Variants in NTN1 observed in about 807,000 individuals in gnomAD.
NTN1 encodes netrin-1.
NTN1 carries 11 observed loss-of-function variants against 54.2 expected under a neutral mutation model. That is an observed-to-expected ratio of 0.20 (90% CI 0.13 to 0.34). The LOEUF is 0.34. Among genes scored for constraint, NTN1 ranks in the 10% least tolerant of loss-of-function variants. The probability of loss-of-function intolerance (pLI) is 1.00; values close to 1 mark genes in which losing one functional copy is unlikely to be tolerated. For missense variants in NTN1, 740 were observed against 893.1 expected (o/e 0.83, Z 2.18); for synonymous variants, 371 against 382.0 (o/e 0.97, Z 0.33).
intron 2 of NTN1, among the ~76,000 whole-genome samples, chr17:9,070,709 A>G (rs2092029380): frequency 6.6e-6 from 1 of 152,096 alleles, no homozygotes; most frequent in South Asian, 2.1e-4. Context: ...CTCCTGCCTC[A>G]GCCTCCTGAG....
At chr17:9,182,160 G>A (rs2092420383) in intron 4 of NTN1, among the ~76,000 whole-genome samples, 1 of 152,220 alleles carries the variant, frequency 6.6e-6, no homozygotes, top group South Asian at 2.1e-4. Flanking sequence ...TTTATTTCTT[G>A]TAGAGGCAAG....
chr17:9,101,267 T>A (rs1314199883), intron 2 of NTN1, among the ~76,000 whole-genome samples: 1 of 152,222 alleles, frequency 6.6e-6, no homozygotes, highest in African/African-American at 2.4e-5. Flanking sequence ...TAAATTGGAT[T>A]TGGGTGGACC....
intron 3 of NTN1, among the ~76,000 whole-genome samples, chr17:9,178,772 C>T (rs1216823553): frequency 6.6e-6 from 1 of 152,236 alleles, no homozygotes; most frequent in African/African-American, 2.4e-5. Context: ...CTTCGGTGTT[C>T]CCCTTCCCCA....
rs756067458 is a variant in NTN1 at position 9,242,827 on chromosome 17, C to T, written c.*2859C>T. The T allele has an allele frequency of 2.0e-4, 30 of 152,452 alleles. No individual in the cohort carries two copies. The highest frequency in any genetic ancestry group is 4.1e-4 in the Non-Finnish European group (28 of 68,176). The allele number at this position is 152,452 out of a possible 1,614,324, so 9.4% of individuals were successfully genotyped here. ...CCCGGCCTCTGCGGTGAGCACCATC[C>T]TTGGGAAAGCACCCCTCCTCCACTC... is the stretch of plus-strand genomic sequence containing the variant. On this transcript the variant is annotated 3_prime_UTR_variant, in exon 7 of 7. Transcript: ENST00000173229.
intron 2 of NTN1, among the ~76,000 whole-genome samples, chr17:9,111,972 C>T (rs1314952544): frequency 6.6e-6 from 1 of 152,178 alleles, no homozygotes; most frequent in Non-Finnish European, 1.5e-5. Context: ...TTTTAGTTGT[C>T]TATTGAACTA....
At position 9,085,815 on chromosome 17, in the gene NTN1, G is replaced by A. The variant is rs143531051; in HGVS notation, c.1018+62424G>A. On this transcript the variant is annotated intron_variant, in intron 2 of 6. Transcript: ENST00000173229. ...GCTATGTGCCAGGAGCATTCAAGGC[G>A]CTGGGGATTCAGCAGAGATCAAACC... Among the ~76,000 whole-genome samples, 294 of 152,256 alleles carry A rather than the reference G, an allele frequency of 1.9e-3. 2 individuals carry two copies. Among genetic ancestry groups the A allele is most frequent in the African/African-American group, 6.6e-3 (276 of 41,550 alleles).
At chr17:9,028,866 T>C (rs1328994772) in intron 2 of NTN1, among the ~76,000 whole-genome samples, 1 of 152,222 alleles carries the variant, frequency 6.6e-6, no homozygotes, top group Non-Finnish European at 1.5e-5. Flanking sequence ...TAAATGGCTC[T>C]CTAGGGAACT....
At chr17:9,114,416 G>T (rs1373358102) in intron 2 of NTN1, among the ~76,000 whole-genome samples, 1 of 149,272 alleles carries the variant, frequency 6.7e-6, no homozygotes, top group Non-Finnish European at 1.5e-5. Flanking sequence ...TGAATTTTTT[G>T]CAAAAAAATA....
intron 3 of NTN1, 146 bp downstream of exon 3, chr17:9,163,147 GAC>G (rs56255655): frequency 0.039 from 20,202 of 521,966 alleles, 97 homozygotes; most frequent in Middle Eastern, 0.054. Flanking sequence ...CTCTCTCTGT[GAC>G]ACACACACAC....
chr17:9,166,803 G>A (rs1040216704), intron 3 of NTN1, among the ~76,000 whole-genome samples: 1 of 152,182 alleles, frequency 6.6e-6, no homozygotes, highest in African/African-American at 2.4e-5. Context: ...GGCCTCTGGG[G>A]CCTCTTTACC....
intron 6 of NTN1, among the ~76,000 whole-genome samples, chr17:9,232,402 C>T (rs888802506): frequency 3.3e-5 from 5 of 152,210 alleles, no homozygotes. Context: ...TGACTGTGCC[C>T]ACCTCCCAGG....
intron 5 of NTN1, among the ~76,000 whole-genome samples, chr17:9,202,465 C>T (rs1904826613): frequency 6.6e-6 from 1 of 152,136 alleles, no homozygotes; most frequent in African/African-American, 2.4e-5. Context: ...TCTGTGGGTA[C>T]CTGGAGTGTA....
rs185103677 is a variant in NTN1 at position 9,151,204 on chromosome 17, G to T, written c.1019-11609G>T. 5.7e-3 allele frequency among the ~76,000 whole-genome samples: 872 copies of T among 152,250 alleles called. 4 individuals are homozygous for T. Among genetic ancestry groups the T allele is most frequent in the Middle Eastern group, 0.01 (3 of 294 alleles). ...TAGCAGCCCTTTTGTCTGACATCTT[G>T]ACAAAGGGGCTGGGGCCTTTCCCAA... On this transcript the variant is annotated intron_variant, in intron 2 of 6. Coordinates refer to ENST00000173229, the MANE Select transcript of NTN1 (RefSeq NM_004822.3).
chr17:9,214,524 TA>T (rs1037445467), intron 5 of NTN1, among the ~76,000 whole-genome samples: 1 of 152,228 alleles, frequency 6.6e-6, no homozygotes, highest in African/African-American at 2.4e-5. Context: ...TGTGAGCTCT[TA>T]AAAAAAATCA....
intron 2 of NTN1, among the ~76,000 whole-genome samples, chr17:9,126,451 G>A (rs1007841975): frequency 9.9e-5 from 14 of 141,996 alleles, no homozygotes; most frequent in Admixed American, 7.3e-4. Context: ...CGGAGGTTGC[G>A]GTGAGCCGAG....
chr17:9,162,286 G>T (rs548411372), intron 2 of NTN1, among the ~76,000 whole-genome samples: 7 of 152,318 alleles, frequency 4.6e-5, no homozygotes, highest in African/African-American at 1.4e-4. Context: ...CGGGCTGGGG[G>T]CTGAAACGCT....
At chr17:9,173,722 C>T (rs966860373) in intron 3 of NTN1, 1 of 152,316 alleles carries the variant, frequency 6.6e-6, no homozygotes, top group African/African-American at 2.4e-5. Context: ...CTTGGAGTCA[C>T]ATGGAGCCTC....
intron 2 of NTN1, among the ~76,000 whole-genome samples, chr17:9,162,278 G>A (rs1235013596): frequency 1.3e-5 from 2 of 152,332 alleles, no homozygotes; most frequent in African/African-American, 2.4e-5. Context: ...AAGTGCCACG[G>A]GCTGGGGGCT....
At chr17:9,233,543 C>T (rs1378190515) in intron 6 of NTN1, among the ~76,000 whole-genome samples, 1 of 151,984 alleles carries the variant, frequency 6.6e-6, no homozygotes, top group Non-Finnish European at 1.5e-5. Flanking sequence ...CTAGAGCTCA[C>T]AGGCTATGGT....
Sources: gnomAD v4.1 joint callset for allele counts (sites outside exome capture counted in the v4.1 genomes callset) on GRCh38, gnomAD v4.1.1 for gene constraint, MANE v1.5 for transcripts, NCBI Gene and HGNC (gene_info 2026-07-23, HGNC 2026-07-21) for gene names.